The following SCAP variants were observed in gnomAD, a reference collection of about 807,000 sequenced individuals.
SCAP encodes the protein SREBF chaperone, also known as sterol regulatory element-binding protein cleavage-activating protein.
In SCAP, 65 loss-of-function variants were observed where a neutral mutation model predicts 123.6. The observed-to-expected ratio is 0.53, with a 90% CI of 0.43 to 0.65. The LOEUF (loss-of-function observed/expected upper bound fraction) is 0.65, where lower values mean the gene tolerates loss of function less well. Among genes scored for constraint, SCAP ranks in the 30% least tolerant of loss-of-function variants. SCAP has a pLI of 0.00. For missense variants in SCAP, 1,398 were observed against 1,712.5 expected (o/e 0.82, Z 3.24); for synonymous variants, 740 against 726.3 (o/e 1.02, Z -0.30).
In SCAP at chr3:47,413,965, C is replaced by T. The variant is rs1705434173; in HGVS notation, c.3729G>A (p.Glu1243=). ...CCAGGATCTGGCGGGCAGGCTGGGC[C>T]TCACTGTTCTTCCCCAGGTAGACTG... ...LQTVYLGKNS[E]AQPARQILVL... The change falls in exon 23 of 23, where the codon GAG becomes GAA. Residue 1243 remains glutamate, a synonymous_variant. Transcript: ENST00000265565. 1 of 1,613,298 alleles carries T rather than the reference C, an allele frequency of 6.2e-7. No individual in the cohort carries two copies. The highest frequency in any genetic ancestry group is 8.5e-7 in the Non-Finnish European group (1 of 1,180,030).
Position 47,419,729 on chromosome 3 carries a change from G to T in SCAP, c.1564-25C>A. ...CCTGCAGTGGGGCAGGGGGTACTCAGTGGGAGGAATGGGCCCCAACCCCCA... is the reference window on the plus strand; with the variant it reads ...CCTGCAGTGGGGCAGGGGGTACTCATTGGGAGGAATGGGCCCCAACCCCCA... On this transcript the variant is annotated intron_variant, in intron 12 of 22. Coordinates refer to ENST00000265565, the MANE Select transcript of SCAP (RefSeq NM_012235.4). This position sits in a 1 kb window ranked among gnomAD's most constrained non-coding sequence, Gnocchi z 5.0. The T allele has an allele frequency of 6.6e-7, 1 of 1,511,150 alleles. No individual in the cohort carries two copies. The highest frequency in any genetic ancestry group is 1.8e-4 in the Middle Eastern group (1 of 5,568). 93.6% of individuals were successfully genotyped at this position (1,511,150 alleles called of 1,614,324 possible). A position where few individuals can be genotyped will look rare whatever the true frequency, so the allele number is the denominator to read the frequency against.
At chr3:47,425,394 GCA>G in intron 8 of SCAP, 89 bp downstream of exon 8, 1 of 1,411,372 alleles carries the variant, frequency 7.1e-7, no homozygotes, top group African/African-American at 1.4e-5. Flanking sequence ...TGAGGTCACA[GCA>G]AAGTCCAGGG....
At chr3:47,440,841 C>T (rs573872197) in intron 2 of SCAP, among the ~76,000 whole-genome samples, 4 of 151,694 alleles carry the variant, frequency 2.6e-5, no homozygotes, top group South Asian at 2.1e-4. Flanking sequence ...GCCTGAGCAA[C>T]GGAAGCGAGA....
intron 1 of SCAP, among the ~76,000 whole-genome samples, chr3:47,449,330 TA>T (rs1402653269): frequency 8.1e-6 from 1 of 123,936 alleles, no homozygotes; most frequent in African/African-American, 2.8e-5. Flanking sequence ...GTCTTCTGGC[TA>T]AAAGTCAGGG....
intron 1 of SCAP, among the ~76,000 whole-genome samples, chr3:47,460,807 C>G (rs1278640105): frequency 6.6e-6 from 1 of 152,180 alleles, no homozygotes; most frequent in African/African-American, 2.4e-5. Context: ...CCACCCGCCT[C>G]GACCTCCCAA....
At chr3:47,473,954 G>C (rs760699669) in intron 1 of SCAP, among the ~76,000 whole-genome samples, 1 of 152,114 alleles carries the variant, frequency 6.6e-6, no homozygotes, top group African/African-American at 2.4e-5. Context: ...CGTTTTTGCC[G>C]CAACAGCAAA....
chr3:47,460,483 G>A (rs2107991427), intron 1 of SCAP, among the ~76,000 whole-genome samples: 1 of 152,302 alleles, frequency 6.6e-6, no homozygotes, highest in South Asian at 2.1e-4. Context: ...CTCTGCCGCG[G>A]CTCCAGCCAG....
intron 1 of SCAP, among the ~76,000 whole-genome samples, chr3:47,450,844 G>A (rs1244683202): frequency 4.1e-5 from 5 of 121,284 alleles, no homozygotes; most frequent in African/African-American, 1.4e-4. Context: ...TTCACTATAA[G>A]CATTTATTTA....
At chr3:47,476,690 C>T (rs570118924), upstream of SCAP, among the ~76,000 whole-genome samples, 1 of 152,276 alleles carries the variant, frequency 6.6e-6, no homozygotes, top group South Asian at 2.1e-4. Context: ...TTTGGCCCTC[C>T]TGAAAATCCG....
In SCAP at chr3:47,414,404, G is replaced by A. The variant is rs1350856151; in HGVS notation, c.3388-18C>T. 3 of 1,611,864 alleles carry A rather than the reference G, an allele frequency of 1.9e-6. No individual in the cohort carries two copies. Among genetic ancestry groups the A allele is most frequent in the Non-Finnish European group, 8.5e-7 (1 of 1,179,748 alleles). ...ACCATGGTCTGGGGAAACAGGCCAG[G>A]GGAGTGGGGTCACCATGGTGTAATA... is the stretch of plus-strand genomic sequence containing the variant. On this transcript the variant is annotated intron_variant, in intron 21 of 22. Transcript: ENST00000265565.
intron 1 of SCAP, 177 bp from the exon 2 acceptor site, chr3:47,443,268 ACACACACACT>A (rs1258923134): frequency 0.023 from 3,242 of 141,906 alleles, 23 homozygotes; most frequent in Admixed American, 0.056. Flanking sequence ...ACACACACAC[ACACACACACT>A]CTCTCTCTCT....
chr3:47,476,376 A>T (rs532270743), upstream of SCAP, among the ~76,000 whole-genome samples: 1 of 152,198 alleles, frequency 6.6e-6, no homozygotes, highest in South Asian at 2.1e-4. Context: ...TAGGAGGATC[A>T]CCTGAGCCCG....
intron 1 of SCAP, among the ~76,000 whole-genome samples, chr3:47,450,635 G>GCC (rs1707202448): frequency 8.6e-6 from 1 of 116,052 alleles, no homozygotes; most frequent in East Asian, 3.2e-4. Context: ...ACTTTAGCCT[G>GCC]CCTATAGGCA....
At chr3:47,418,101 G>A (rs1463051237) in intron 16 of SCAP, 33 bp downstream of exon 16, 45 of 1,506,974 alleles carry the variant, frequency 3.0e-5, no homozygotes, top group Admixed American at 3.9e-5. Flanking sequence ...GGGGTTGTGG[G>A]GGCACAAAGG....
Position 47,418,184 on chromosome 3 carries a change from G to A in SCAP, c.2397C>T (p.Cys799=), listed in dbSNP as rs138475750. 188 of 1,575,770 alleles carry A rather than the reference G, an allele frequency of 1.2e-4. 1 individual carries two copies. The highest frequency in any genetic ancestry group is 2.2e-4 in the Admixed American group (12 of 54,778). ...LVSCCLAGHV[C]VWDAQTGDCL... is the part of the protein sequence containing the mutation. ...AATCCCCGGTCTGCGCGTCCCACAC[G>A]CAGACGTGGCCTGCCAGGCAGCAGC... The change falls in exon 16 of 23, where the codon TGC becomes TGT. Residue 799 remains cysteine, a synonymous_variant. Coordinates refer to ENST00000265565, the MANE Select transcript of SCAP (RefSeq NM_012235.4).
intron 1 of SCAP, among the ~76,000 whole-genome samples, chr3:47,467,473 C>G (rs906330326): frequency 1.3e-5 from 2 of 151,366 alleles, no homozygotes; most frequent in African/African-American, 2.4e-5. Flanking sequence ...GGCATGGGGG[C>G]ACATGCCTGC....
intron 1 of SCAP, among the ~76,000 whole-genome samples, chr3:47,468,199 T>C (rs1477819962): frequency 6.6e-6 from 1 of 152,206 alleles, no homozygotes; most frequent in East Asian, 1.9e-4. Context: ...TGTGCCTTTA[T>C]AGCAGCATGA....
intron 1 of SCAP, among the ~76,000 whole-genome samples, chr3:47,474,158 G>A (rs1316120814): frequency 6.6e-6 from 1 of 152,034 alleles, no homozygotes; most frequent in East Asian, 1.9e-4. Context: ...CCAGCTACTT[G>A]GGAGGCTGAG....
At chr3:47,460,481 C>T (rs986730695) in intron 1 of SCAP, among the ~76,000 whole-genome samples, 14 of 152,322 alleles carry the variant, frequency 9.2e-5, no homozygotes, top group South Asian at 2.1e-4. Flanking sequence ...TCCTCTGCCG[C>T]GGCTCCAGCC....
Sources: allele counts gnomAD v4.1 joint callset (sites outside exome capture counted in the v4.1 genomes callset), GRCh38; gene constraint gnomAD v4.1.1; non-coding constraint Gnocchi (gnomAD v3.1); transcripts MANE v1.5; gene names NCBI Gene and HGNC (gene_info 2026-07-23, HGNC 2026-07-21).